The following FGF12 variants were observed in gnomAD, a reference collection of about 807,000 sequenced individuals.
FGF12 encodes fibroblast growth factor 12.
FGF12 carries 14 observed loss-of-function variants against 23.6 expected under a neutral mutation model. The observed-to-expected ratio is 0.59, with a 90% CI of 0.39 to 0.93. FGF12 has a LOEUF of 0.93. Among genes scored for constraint, FGF12 ranks in the 40% least tolerant of loss-of-function variants. FGF12 has a pLI of 0.00. For synonymous variants in FGF12, 62 were observed against 77.3 expected (o/e 0.80, Z 1.04); for missense variants, 175 against 217.8 (o/e 0.80, Z 1.24).
intron 4 of FGF12, among the ~76,000 whole-genome samples, chr3:192,315,013 ATGTTCAC>A (rs1456455821): frequency 6.6e-6 from 1 of 152,214 alleles, no homozygotes; most frequent in Admixed American, 6.5e-5. Flanking sequence ...TGGGAGAATG[ATGTTCAC>A]AGTGGCCTCA....
At chr3:192,217,510 T>C (rs1323745713) in intron 4 of FGF12, among the ~76,000 whole-genome samples, 3 of 152,156 alleles carry the variant, frequency 2.0e-5, no homozygotes, top group Admixed American at 6.5e-5. Flanking sequence ...AAGAGGAACG[T>C]AGACAACAAA....
At chr3:192,438,779 C>G (rs1560111174) in intron 2 of FGF12, among the ~76,000 whole-genome samples, 1 of 152,320 alleles carries the variant, frequency 6.6e-6, no homozygotes, top group South Asian at 2.1e-4. Context: ...CCAAGAAAGT[C>G]AGTTTGCATG....
chr3:192,431,302 T>C (rs1033126595), intron 2 of FGF12, among the ~76,000 whole-genome samples: 1 of 152,162 alleles, frequency 6.6e-6, no homozygotes, highest in Non-Finnish European at 1.5e-5. Context: ...CATTTAAAGT[T>C]TGTATCAGGT....
At chr3:192,605,498 A>C (rs1006740451) in intron 2 of FGF12, among the ~76,000 whole-genome samples, 7 of 152,168 alleles carry the variant, frequency 4.6e-5, no homozygotes, top group African/African-American at 1.7e-4. Flanking sequence ...GACAAGCGGA[A>C]CCTAATGAAA....
At chr3:192,727,156 T>A in intron 2 of FGF12, 25 bp downstream of exon 2, 1 of 1,571,648 alleles carries the variant, frequency 6.4e-7, no homozygotes, top group African/African-American at 1.4e-5. Flanking sequence ...CAGCGGGAAG[T>A]CCCCCGATAG....
chr3:192,485,072 AT>A (rs1401364316), intron 2 of FGF12, among the ~76,000 whole-genome samples: 1 of 151,996 alleles, frequency 6.6e-6, no homozygotes, highest in African/African-American at 2.4e-5. Flanking sequence ...GTACACATAA[AT>A]TTTAAAATTT....
At chr3:192,502,038 T>C (rs921113908) in intron 2 of FGF12, among the ~76,000 whole-genome samples, 1 of 152,198 alleles carries the variant, frequency 6.6e-6, no homozygotes, top group Non-Finnish European at 1.5e-5. Context: ...TTCCTATAGC[T>C]AGATAGATAC....
chr3:192,549,549 T>C (rs886815661), intron 2 of FGF12, among the ~76,000 whole-genome samples: 1 of 152,226 alleles, frequency 6.6e-6, no homozygotes, highest in African/African-American at 2.4e-5. Flanking sequence ...TAATTTTATG[T>C]GTCTACTTGA....
At chr3:192,507,220 C>G (rs1198987022) in intron 2 of FGF12, among the ~76,000 whole-genome samples, 1 of 151,956 alleles carries the variant, frequency 6.6e-6, no homozygotes, top group Non-Finnish European at 1.5e-5. Flanking sequence ...GCTTTTAAGG[C>G]TCTTCTGGGG....
rs544792518 is a variant in FGF12 at position 192,616,535 on chromosome 3, T to C, written c.13+110646A>G. Among the ~76,000 whole-genome samples the C allele has an allele frequency of 2.0e-5, 3 of 152,090 alleles. No individual in the cohort carries two copies. In the South Asian group the frequency reaches 6.2e-4, roughly 32 times the overall value. On this transcript the variant is annotated intron_variant, in intron 2 of 5. Coordinates refer to ENST00000445105, the MANE Select transcript of FGF12 (RefSeq NM_004113.6). ...CTTTGAGGCATAGACTCTCAGAATT[T>C]TGTTGTTTGAAGAGTTCTCAGCATA...
At chr3:192,639,512 T>G (rs1715711363) in intron 2 of FGF12, among the ~76,000 whole-genome samples, 1 of 152,232 alleles carries the variant, frequency 6.6e-6, no homozygotes. Context: ...ACATTCATTG[T>G]AACGTTATTC....
chr3:192,156,275 A>G (rs571742450), intron 5 of FGF12, among the ~76,000 whole-genome samples: 3 of 152,220 alleles, frequency 2.0e-5, no homozygotes, highest in Non-Finnish European at 4.4e-5. Context: ...ACAAAAACTC[A>G]GATTCAGTGG....
chr3:192,556,930 C>A (rs1167223178), intron 2 of FGF12, among the ~76,000 whole-genome samples: 1 of 151,796 alleles, frequency 6.6e-6, no homozygotes, highest in African/African-American at 2.4e-5. Context: ...GGAAACTAAA[C>A]AACACACCCT....
chr3:192,402,035 A>T (rs571534182), intron 2 of FGF12, among the ~76,000 whole-genome samples: 2 of 152,388 alleles, frequency 1.3e-5, no homozygotes, highest in East Asian at 3.9e-4. Flanking sequence ...TAATGTTCTT[A>T]CAAATAATAA....
At chr3:192,489,970 T>C (rs1723751319) in intron 2 of FGF12, among the ~76,000 whole-genome samples, 1 of 152,102 alleles carries the variant, frequency 6.6e-6, no homozygotes, top group Admixed American at 6.6e-5. Context: ...CATGTACCCC[T>C]GAATTTAAAA....
At chr3:192,552,397 CAAAATTT>C (rs1190826378) in intron 2 of FGF12, among the ~76,000 whole-genome samples, 1 of 152,066 alleles carries the variant, frequency 6.6e-6, no homozygotes, top group Admixed American at 6.5e-5. Context: ...ATTCAAAATT[CAAAATTT>C]GTTTTAAAAA....
intron 4 of FGF12, among the ~76,000 whole-genome samples, chr3:192,215,378 C>G (rs1718140518): frequency 6.6e-6 from 1 of 152,178 alleles, no homozygotes; most frequent in Non-Finnish European, 1.5e-5. Context: ...TACCCTCACA[C>G]CACTACTGCT....
chr3:192,338,443 G>C (rs1336928519), intron 3 of FGF12, among the ~76,000 whole-genome samples: 1 of 152,068 alleles, frequency 6.6e-6, no homozygotes. Flanking sequence ...ACCAGATGTA[G>C]GTCCTATGGA....
At chr3:192,612,715 T>C (rs1340352251) in intron 2 of FGF12, among the ~76,000 whole-genome samples, 1 of 151,958 alleles carries the variant, frequency 6.6e-6, no homozygotes, top group Non-Finnish European at 1.5e-5. Context: ...ATTCTGCTTA[T>C]TTCATACCAA....
Sources: allele counts gnomAD v4.1 joint callset (sites outside exome capture counted in the v4.1 genomes callset), GRCh38; gene constraint gnomAD v4.1.1; transcripts MANE v1.5; gene names NCBI Gene and HGNC (gene_info 2026-07-23, HGNC 2026-07-21).